GSDME: variants seen among roughly 807,000 people sequenced by gnomAD.
GSDME encodes gasdermin E.
A neutral mutation model predicts 47.5 loss-of-function variants in GSDME; 44 were observed. The observed-to-expected ratio is 0.93, with a 90% CI of 0.73 to 1.19. The LOEUF (loss-of-function observed/expected upper bound fraction) is 1.19. GSDME is among the 50% of genes most tolerant of loss of function. The pLI is 0.00. For synonymous variants in GSDME, 258 were observed against 252.8 expected (o/e 1.02, Z -0.20); for missense variants, 663 against 604.2 (o/e 1.10, Z -1.02).
the GSDME span, among the ~76,000 whole-genome samples, chr7:24,765,391 T>G: frequency 6.6e-6 from 1 of 152,232 alleles, no homozygotes; most frequent in Non-Finnish European, 1.5e-5. Flanking sequence ...TTGTTTAGCC[T>G]AAAGCTCCCT....
rs138368776 is a variant in GSDME at position 24,747,414 on chromosome 7, C to T, written c.211+2150G>A. On this transcript the variant is annotated intron_variant, in intron 2 of 9. Transcript: ENST00000645220. ...TACCTCTTTTCCCCTTTAACAGAGA[C>T]GCAATCACAAAATTAGAGAATTCTA... is the stretch of plus-strand genomic sequence containing the variant. 8.6e-3 allele frequency among the ~76,000 whole-genome samples: 1,304 copies of T among 152,216 alleles called. 14 individuals are homozygous for T. The highest frequency in any genetic ancestry group is 0.024 in the African/African-American group (981 of 41,522).
chr7:24,730,757 G>C (rs1790117658), intron 3 of GSDME, among the ~76,000 whole-genome samples: 1 of 152,234 alleles, frequency 6.6e-6, no homozygotes, highest in Non-Finnish European at 1.5e-5. Context: ...GGAGGTTGCA[G>C]TGAGCTGAGA....
the GSDME span, among the ~76,000 whole-genome samples, chr7:24,773,346 A>C: frequency 6.6e-6 from 1 of 152,230 alleles, no homozygotes; most frequent in East Asian, 1.9e-4. The surrounding 1 kb of genome is among the most constrained non-coding windows in gnomAD (Gnocchi z 5.4). Context: ...ACATTGAGAA[A>C]CATTACTTCA....
rs1319560253 is a variant in GSDME, at chr7:24,744,530, C to A, written c.404+32G>T. 1 of 1,613,308 alleles carries A rather than the reference C, an allele frequency of 6.2e-7. No homozygotes were observed. Among genetic ancestry groups the A allele is most frequent in the Admixed American group, 1.7e-5 (1 of 60,012 alleles). ...AATGACCTTTAAATGTGAGATGTGT[C>A]AAAATCCAAAATGCCAAACAAGTCT... is the stretch of plus-strand genomic sequence containing the variant. On this transcript the variant is annotated intron_variant, in intron 3 of 9. Transcript: ENST00000645220. The surrounding 1 kb of genome is among the most constrained non-coding windows in gnomAD (Gnocchi z 4.5).
chr7:24,789,554 T>C, the GSDME span, among the ~76,000 whole-genome samples: 1 of 152,186 alleles, frequency 6.6e-6, no homozygotes. Flanking sequence ...TCACAATGCT[T>C]TTCCATACAA....
At chr7:24,787,559 C>T in the GSDME span, among the ~76,000 whole-genome samples, 1 of 151,874 alleles carries the variant, frequency 6.6e-6, no homozygotes, top group African/African-American at 2.4e-5. The surrounding 1 kb of genome is among the most constrained non-coding windows in gnomAD (Gnocchi z 5.0). Context: ...CTGCTTATGT[C>T]GATATACCTT....
chr7:24,749,514 A>AG (rs774533771), intron 2 of GSDME, 50 bp downstream of exon 2: 1 of 1,387,976 alleles, frequency 7.2e-7, no homozygotes, highest in Non-Finnish European at 1.0e-6. Context: ...AAAAAAAAAA[A>AG]GGATCATCCT....
the GSDME span, among the ~76,000 whole-genome samples, chr7:24,792,023 C>T: frequency 6.6e-6 from 1 of 152,172 alleles, no homozygotes; most frequent in African/African-American, 2.4e-5. Flanking sequence ...AAAAGAGCTA[C>T]CATGAAGTCC....
At chr7:24,743,816 G>T (rs557580476) in intron 3 of GSDME, among the ~76,000 whole-genome samples, 1 of 152,288 alleles carries the variant, frequency 6.6e-6, no homozygotes, top group South Asian at 2.1e-4. Flanking sequence ...TTCTAAGTTC[G>T]TAGCCCCCAT....
chr7:24,782,356 G>A, the GSDME span, among the ~76,000 whole-genome samples: 12 of 151,950 alleles, frequency 7.9e-5, no homozygotes. Context: ...TCAGAATGAT[G>A]GTTTCCAGTT....
intron 3 of GSDME, among the ~76,000 whole-genome samples, chr7:24,719,652 G>T (rs1412372318): frequency 2.0e-5 from 3 of 152,058 alleles, no homozygotes; most frequent in Non-Finnish European, 4.4e-5. Context: ...AATTAGCCAG[G>T]CGTGGTGGCA....
intron 4 of GSDME, among the ~76,000 whole-genome samples, chr7:24,718,454 G>A (rs1562696868): frequency 6.6e-6 from 1 of 152,180 alleles, no homozygotes; most frequent in African/African-American, 2.4e-5. Flanking sequence ...GATCTTACCT[G>A]CCCTAACTCA....
rs1421937337 is a variant in GSDME, at chr7:24,710,094, A to T, written c.862+130T>A. On this transcript the variant is annotated intron_variant, in intron 6 of 9. Transcript: ENST00000645220. Reference sequence around the variant, plus strand: ...GCCGAGTGGACTGGGCCTCGGCGGCATCACCTCTCTTCTCATATGTTTTCT... The same window carrying T: ...GCCGAGTGGACTGGGCCTCGGCGGCTTCACCTCTCTTCTCATATGTTTTCT... 8 of 1,035,400 alleles carry T rather than the reference A, an allele frequency of 7.7e-6. 1 individual carries two copies. In the East Asian group the frequency reaches 1.7e-4, roughly 22 times the overall value. 64.1% of individuals were successfully genotyped at this position (1,035,400 alleles called of 1,614,324 possible). A position where few individuals can be genotyped will look rare whatever the true frequency, so the allele number is the denominator to read the frequency against.
At chr7:24,708,526 TAA>T (rs1178536562) in intron 6 of GSDME, among the ~76,000 whole-genome samples, 1 of 152,210 alleles carries the variant, frequency 6.6e-6, no homozygotes, top group African/African-American at 2.4e-5. Context: ...CACTAAACAT[TAA>T]GTCTAATCAA....
intron 9 of GSDME, 74 bp downstream of exon 9, chr7:24,702,686 G>T: frequency 1.6e-6 from 2 of 1,275,774 alleles, no homozygotes; most frequent in African/African-American, 1.5e-5. Context: ...TGTTTTACCG[G>T]CTGCTGGATG....
chr7:24,788,356 C>T, the GSDME span, among the ~76,000 whole-genome samples: 2 of 151,840 alleles, frequency 1.3e-5, no homozygotes, highest in African/African-American at 4.8e-5. This position sits in a 1 kb window ranked among gnomAD's most constrained non-coding sequence, Gnocchi z 4.6. Flanking sequence ...GCAGACGCCG[C>T]ATGTCTCTCT....
chr7:24,753,763 G>A, intron 1 of GSDME, among the ~76,000 whole-genome samples: 1 of 152,144 alleles, frequency 6.6e-6, no homozygotes, highest in East Asian at 1.9e-4. Context: ...AAGACTTTCT[G>A]TATTTAACTG....
chr7:24,708,209 G>C lies in GSDME; in HGVS notation c.908C>G (p.Pro303Arg). The C allele has an allele frequency of 6.2e-7, 1 of 1,614,146 alleles. No individual in the cohort carries two copies. Among genetic ancestry groups the C allele is most frequent in the East Asian group, 2.2e-5 (1 of 44,870 alleles). ...ACTCAAAGCTGTCTGTTGTGGCTCA[G>C]GCAGCTCCGCAAATGGATGGAAATT... ...ERNFHPFAELPEPQQTALSDI... is the reference protein window; with the variant it reads ...ERNFHPFAELREPQQTALSDI... Residue 303 changes from proline (P) to arginine (R), a missense_variant, in exon 7 of 10, where the codon CCT (proline) becomes CGT (arginine). By Grantham distance (103) the Pro-to-Arg change is moderately radical (BLOSUM62 -2). Coordinates refer to ENST00000645220, the MANE Select transcript of GSDME (RefSeq NM_001127453.2).
chr7:24,703,161 G>A, intron 8 of GSDME: 2 of 360,092 alleles, frequency 5.6e-6, no homozygotes, highest in Non-Finnish European at 1.1e-5. Flanking sequence ...TCTGGTGACA[G>A]AAGAGTGATG....
Sources: gnomAD v4.1 joint callset for allele counts (sites outside exome capture counted in the v4.1 genomes callset) on GRCh38, gnomAD v4.1.1 for gene constraint, Gnocchi (gnomAD v3.1) non-coding constraint, MANE v1.5 for transcripts, NCBI Gene and HGNC (gene_info 2026-07-23, HGNC 2026-07-21) for gene names.